Variants in SOS1 observed in about 807,000 individuals in gnomAD.
The protein encoded by SOS1 is son of sevenless homolog 1.
A neutral mutation model predicts 157.6 loss-of-function variants in SOS1; 25 were observed. That is an observed-to-expected ratio of 0.16 (90% CI 0.12 to 0.22). The LOEUF (loss-of-function observed/expected upper bound fraction) is 0.22. Among genes scored for constraint, SOS1 ranks in the 10% least tolerant of loss-of-function variants. The probability of loss-of-function intolerance (pLI) is 1.00; values close to 1 mark genes in which losing one functional copy is unlikely to be tolerated. For synonymous variants in SOS1, 528 were observed against 534.0 expected (o/e 0.99, Z 0.16); for missense variants, 1,237 against 1,599.1 (o/e 0.77, Z 3.86).
intron 1 of SOS1, among the ~76,000 whole-genome samples, chr2:39,071,530 T>G (rs532033424): frequency 1.3e-5 from 2 of 152,358 alleles, no homozygotes; most frequent in East Asian, 3.9e-4. Flanking sequence ...TAAAATTATA[T>G]TCAAAATCTG....
intron 12 of SOS1, 146 bp from the exon 13 acceptor site, chr2:39,013,709 G>T: frequency 1.1e-6 from 1 of 880,820 alleles, no homozygotes; most frequent in Non-Finnish European, 1.9e-6. Context: ...TCTATGTTAA[G>T]GCTTATACTA....
At chr2:39,064,635 T>G (rs1347345436) in intron 2 of SOS1, among the ~76,000 whole-genome samples, 1 of 152,076 alleles carries the variant, frequency 6.6e-6, no homozygotes, top group Non-Finnish European at 1.5e-5. Flanking sequence ...CAGTTCCCTT[T>G]CTCTCCAATC....
intron 1 of SOS1, among the ~76,000 whole-genome samples, chr2:39,104,671 G>A (rs1443309732): frequency 6.6e-6 from 1 of 152,168 alleles, no homozygotes; most frequent in Non-Finnish European, 1.5e-5. Context: ...AATGTTCACT[G>A]CAGTATCCAG....
At chr2:39,014,970 A>T in intron 10 of SOS1, 124 bp from the exon 11 acceptor site, 1 of 668,634 alleles carries the variant, frequency 1.5e-6, no homozygotes, top group Non-Finnish European at 2.7e-6. Context: ...TTTGCCAAGT[A>T]GAAGGCTTTG....
rs1006452060 is a variant in SOS1 at position 39,111,216 on chromosome 2, G to A, written c.87+9120C>T. ...CCACTGCACTCCAGCCTGGGAGACA[G>A]AGCAAGACTCCATCTCAAAAAAAAA... On this transcript the variant is annotated intron_variant, in intron 1 of 22. Coordinates refer to ENST00000402219, the MANE Select transcript of SOS1 (RefSeq NM_005633.4). Among the ~76,000 whole-genome samples, 3 of 152,138 alleles carry A rather than the reference G, an allele frequency of 2.0e-5. No individual in the cohort carries two copies. The South Asian group carries it at 6.2e-4, about 31-fold the overall frequency.
chr2:39,086,497 A>T (rs1209110688), intron 1 of SOS1, among the ~76,000 whole-genome samples: 1 of 152,218 alleles, frequency 6.6e-6, no homozygotes, highest in Non-Finnish European at 1.5e-5. Flanking sequence ...TTAACATATT[A>T]GATATTGGTA....
intron 1 of SOS1, among the ~76,000 whole-genome samples, chr2:39,080,850 T>G (rs997903222): frequency 1.3e-5 from 2 of 152,092 alleles, no homozygotes; most frequent in African/African-American, 4.8e-5. Context: ...TTTAAAAACT[T>G]GGAAGAATTG....
At chr2:39,032,512 T>C (rs1670197753) in intron 8 of SOS1, among the ~76,000 whole-genome samples, 1 of 152,226 alleles carries the variant, frequency 6.6e-6, no homozygotes. Flanking sequence ...ACTCATTTTT[T>C]AACAAGCATT....
rs568228332 is a variant in SOS1 at position 38,981,751 on chromosome 2, C to A, written c.*4073G>T. The A allele has an allele frequency of 6.6e-6, 1 of 152,106 alleles. No individual in the cohort carries two copies. Among genetic ancestry groups the A allele is most frequent in the South Asian group, 2.1e-4 (1 of 4,816 alleles). 9.4% of individuals were successfully genotyped at this position (152,106 alleles called of 1,614,324 possible). On this transcript the variant is annotated 3_prime_UTR_variant, in exon 23 of 23. Coordinates refer to ENST00000402219, the MANE Select transcript of SOS1 (RefSeq NM_005633.4). ...CTTTGTTCTTACATCAAAGACCGAC[C>A]GACAGAGCAATTTTTTGACAATTAT...
At chr2:39,098,469 C>T (rs905610042) in intron 1 of SOS1, 1 of 155,978 alleles carries the variant, frequency 6.4e-6, no homozygotes, top group East Asian at 1.9e-4. Flanking sequence ...ACAGCTTGTA[C>T]TCTACTCTCC....
intron 14 of SOS1, among the ~76,000 whole-genome samples, 192 bp from the exon 15 acceptor site, chr2:39,010,895 A>ATTT (rs143732193): frequency 2.5e-5 from 1 of 40,602 alleles, no homozygotes; most frequent in Non-Finnish European, 1.1e-4. Flanking sequence ...TTTTTTTTAA[A>ATTT]CTTTTTTTTT....
chr2:39,027,810 A>G (rs1396977324), intron 8 of SOS1, among the ~76,000 whole-genome samples: 1 of 152,006 alleles, frequency 6.6e-6, no homozygotes, highest in Non-Finnish European at 1.5e-5. Flanking sequence ...ACTTAAACTC[A>G]TCTAGGGAAT....
chr2:38,997,534 A>G (rs1311322142), intron 17 of SOS1, 109 bp from the exon 18 acceptor site: 3 of 681,368 alleles, frequency 4.4e-6, no homozygotes, highest in Non-Finnish European at 7.5e-6. Context: ...TTGCCAAAAC[A>G]AAAGAACCAA....
intron 1 of SOS1, among the ~76,000 whole-genome samples, chr2:39,072,606 C>G (rs1671827899): frequency 6.6e-6 from 1 of 152,154 alleles, no homozygotes. Flanking sequence ...ACATATAATT[C>G]AAATGTTAAG....
intron 1 of SOS1, among the ~76,000 whole-genome samples, chr2:39,106,798 G>A (rs1218097653): frequency 6.6e-6 from 1 of 152,134 alleles, no homozygotes; most frequent in Non-Finnish European, 1.5e-5. Flanking sequence ...AACCAACAAG[G>A]AGTCATCTTC....
At position 38,981,930 on chromosome 2, in the gene SOS1, C is replaced by G. The variant is rs1344722147; in HGVS notation, c.*3894G>C. 1 of 152,146 alleles carries G rather than the reference C, an allele frequency of 6.6e-6. No homozygotes were observed. Among genetic ancestry groups the G allele is most frequent in the Non-Finnish European group, 1.5e-5 (1 of 68,018 alleles). The allele number at this position is 152,146 out of a possible 1,614,324, so 9.4% of individuals were successfully genotyped here. A position where few individuals can be genotyped will look rare whatever the true frequency, so the allele number is the denominator to read the frequency against. ...AAAGTTCCCTGCCCAAATCCCGACC[C>G]CAAATGCTGACTTGATCTGAAGAAA... On this transcript the variant is annotated 3_prime_UTR_variant, in exon 23 of 23. Coordinates refer to ENST00000402219, the MANE Select transcript of SOS1 (RefSeq NM_005633.4).
chr2:38,983,762 C>G lies in SOS1; in HGVS notation c.*2062G>C, dbSNP rs1171608199. 6.6e-6 allele frequency: 1 copy of G among 152,130 alleles called. No homozygotes were observed. Among genetic ancestry groups the G allele is most frequent in the African/African-American group, 2.4e-5 (1 of 41,438 alleles). 9.4% of individuals were successfully genotyped at this position (152,130 alleles called of 1,614,324 possible). On this transcript the variant is annotated 3_prime_UTR_variant, in exon 23 of 23. Coordinates refer to ENST00000402219, the MANE Select transcript of SOS1 (RefSeq NM_005633.4). ...AAAGTCCAGGGAGATTCTGGACTGT[C>G]TATCATGATTAGTTGTAGCGGCTCT... is the stretch of plus-strand genomic sequence containing the variant.
intron 8 of SOS1, among the ~76,000 whole-genome samples, chr2:39,026,405 A>G (rs990302721): frequency 6.6e-6 from 1 of 151,950 alleles, no homozygotes; most frequent in Non-Finnish European, 1.5e-5. Context: ...AATTCTCAAC[A>G]TAAAAAGGGT....
chr2:39,035,309 G>A lies in SOS1; in HGVS notation c.977C>T (p.Ser326Leu). ...AGCTTCTTTGAAACCTTCGCCTATTGACTGGAAAAAAAAGTGATTTAATTT... is the reference window on the plus strand; with the variant it reads ...AGCTTCTTTGAAACCTTCGCCTATTAACTGGAAAAAAAAGTGATTTAATTT... The part of the protein sequence containing the change: ...SKPGAALYLQ[S>L]IGEGFKEAVQ... The change falls in exon 8 of 23, where the codon TCA becomes TTA. Residue 326 changes from serine to leucine, a missense_variant and splice_region_variant. Physicochemically the swap from Ser to Leu is moderately radical, Grantham distance 145. This residue lies in a region of SOS1 where 101 missense variants were observed against 171.5 expected (regional missense o/e 0.59). Coordinates refer to ENST00000402219, the MANE Select transcript of SOS1 (RefSeq NM_005633.4). 1 of 1,612,760 alleles carries A rather than the reference G, an allele frequency of 6.2e-7. No individual in the cohort carries two copies. The highest frequency in any genetic ancestry group is 8.5e-7 in the Non-Finnish European group (1 of 1,179,048).
Sources: allele counts gnomAD v4.1 joint callset (sites outside exome capture counted in the v4.1 genomes callset), GRCh38; gene constraint gnomAD v4.1.1; regional missense constraint gnomAD v4.1.1; transcripts MANE v1.5; gene names NCBI Gene and HGNC (gene_info 2026-07-23, HGNC 2026-07-21).